The following ANXA8L1 variants were observed in gnomAD, a reference collection of about 807,000 sequenced individuals.
ANXA8L1 encodes the protein annexin A8 like 1.
ANXA8L1 carries 10 observed loss-of-function variants against 22.5 expected under a neutral mutation model. The ratio of observed to expected loss-of-function variants is 0.44; its 90% CI spans 0.27 to 0.75. The LOEUF is 0.75. Among genes scored for constraint, ANXA8L1 ranks in the 30% least tolerant of loss-of-function variants. The pLI is 0.15. For synonymous variants in ANXA8L1, 36 were observed against 86.0 expected (o/e 0.42, Z 3.22); for missense variants, 88 against 219.6 (o/e 0.40, Z 3.79).
intron 5 of ANXA8L1, 46 bp downstream of exon 5, chr10:46,383,592 T>C: frequency 4.1e-6 from 2 of 482,872 alleles, no homozygotes; most frequent in Non-Finnish European, 7.0e-6. Context: ...GCCACAAGCT[T>C]TGGCAGCCTG....
At position 46,382,513 on chromosome 10, in the gene ANXA8L1, T is replaced by G. The variant is rs1839988943; in HGVS notation, c.208-66T>G. The stretch of plus-strand genomic sequence containing the variant: ...CCAAGCCCCTGGACCCAGCCACCAC[T>G]CCGCTGCCTGCACTCAGGTGGGCCT... On this transcript the variant is annotated intron_variant, in intron 3 of 11. Transcript: ENST00000619162. 13 of 1,014,064 alleles carry G rather than the reference T, an allele frequency of 1.3e-5. 1 individual carries two copies. The highest frequency in any genetic ancestry group is 1.8e-5 in the Non-Finnish European group (13 of 715,602). 62.8% of individuals were successfully genotyped at this position (1,014,064 alleles called of 1,614,324 possible).
Position 46,381,291 on chromosome 10 carries a change from G to A in ANXA8L1, c.207+51G>A, listed in dbSNP as rs1414718774. 41 of 553,862 alleles carry A rather than the reference G, an allele frequency of 7.4e-5. 10 individuals are homozygous for A. The highest frequency in any genetic ancestry group is 1.2e-4 in the Non-Finnish European group (40 of 331,758). The allele number at this position is 553,862 out of a possible 1,614,324, so 34.3% of individuals were successfully genotyped here. ...GGATAGGTGAGCCTTGGGGTTGGGGGTACAGCCTGGGAGGCAGCTCCATTC... is the reference window on the plus strand; with the variant it reads ...GGATAGGTGAGCCTTGGGGTTGGGGATACAGCCTGGGAGGCAGCTCCATTC... On this transcript the variant is annotated intron_variant, in intron 3 of 11. Coordinates refer to ENST00000619162, the MANE Select transcript of ANXA8L1 (RefSeq NM_001098845.3).
At chr10:46,385,586 C>A (rs1840027359) in intron 8 of ANXA8L1, 113 bp downstream of exon 8, 1 of 463,266 alleles carries the variant, frequency 2.2e-6, no homozygotes, top group Non-Finnish European at 3.9e-6. Context: ...CCAGGGAGCC[C>A]AGGACTGTTT....
At chr10:46,384,710 C>T (rs1840013685) in intron 6 of ANXA8L1, 64 bp from the exon 7 acceptor site, 6 of 1,612,090 alleles carry the variant, frequency 3.7e-6, no homozygotes, top group Non-Finnish European at 5.1e-6. Context: ...CCCAGGATCC[C>T]CCCTGTGCCC....
At chr10:46,385,320 G>C (rs1840023967) in intron 7 of ANXA8L1, 60 bp from the exon 8 acceptor site, 2 of 623,088 alleles carry the variant, frequency 3.2e-6, no homozygotes, top group East Asian at 2.5e-5. Flanking sequence ...GGACTCTGGG[G>C]CTCAGTCCCT....
intron 11 of ANXA8L1, among the ~76,000 whole-genome samples, chr10:46,389,166 T>C (rs1425333333): frequency 3.8e-5 from 4 of 105,736 alleles, no homozygotes; most frequent in Non-Finnish European, 5.8e-5. Flanking sequence ...CGTTGTTAAG[T>C]GCACTTTTCA....
chr10:46,378,540 G>A (rs2133007864), intron 1 of ANXA8L1, among the ~76,000 whole-genome samples: 1 of 91,132 alleles, frequency 1.1e-5, no homozygotes, highest in South Asian at 3.6e-4. Flanking sequence ...TAAAGCACCT[G>A]GCCCAGGTCT....
In ANXA8L1 at chr10:46,378,219, C is replaced by T. The variant is rs1444120402; in HGVS notation, c.22-1666C>T. Among the ~76,000 whole-genome samples, 24 of 131,442 alleles carry T rather than the reference C, an allele frequency of 1.8e-4. 1 individual carries two copies. In the South Asian group the frequency reaches 4.3e-3, roughly 24 times the overall value. 86.2% of individuals were successfully genotyped at this position (131,442 alleles called of 152,430 possible). A position where few individuals can be genotyped will look rare whatever the true frequency, so the allele number is the denominator to read the frequency against. On this transcript the variant is annotated intron_variant, in intron 1 of 11. Coordinates refer to ENST00000619162, the MANE Select transcript of ANXA8L1 (RefSeq NM_001098845.3). ...CCACTCGCTGGTGCACCACAGCCCC[C>T]GAGTGCTGGGGCAGAGGGAAGCCGG...
Position 46,384,793 on chromosome 10 carries a change from G to C in ANXA8L1, c.512G>C (p.Ser171Thr). 1 of 1,613,274 alleles carries C rather than the reference G, an allele frequency of 6.2e-7. No homozygotes were observed. Among genetic ancestry groups the C allele is most frequent in the Non-Finnish European group, 8.5e-7 (1 of 1,179,860 alleles). The part of the protein sequence containing the change: ...CLLQGSRDDV[S>T]SFVDPALALQ... ...TCCTAGGGCAGCAGGGATGATGTGA[G>C]CAGCTTTGTGGACCCGGCACTGGCC... Residue 171 changes from serine to threonine, a missense_variant, in exon 7 of 12, where the codon AGC becomes ACC. Coordinates refer to ENST00000619162, the MANE Select transcript of ANXA8L1 (RefSeq NM_001098845.3).
rs1409598742 is a variant in ANXA8L1 at position 46,384,402 on chromosome 10, G to C, written c.492+117G>C. 16 of 367,700 alleles carry C rather than the reference G, an allele frequency of 4.4e-5. 2 individuals carry two copies. In the African/African-American group the frequency reaches 8.2e-4, roughly 19 times the overall value. The allele number at this position is 367,700 out of a possible 1,614,324, so 22.8% of individuals were successfully genotyped here. On this transcript the variant is annotated intron_variant, in intron 6 of 11. Transcript: ENST00000619162. Reference sequence around the variant, plus strand: ...CAGGGTATGGGCATGGGATAGCCCAGCAGCCAGGGCTCATTGGGTGTGTCT... The same window carrying C: ...CAGGGTATGGGCATGGGATAGCCCACCAGCCAGGGCTCATTGGGTGTGTCT...
chr10:46,381,468 C>CGGG, intron 3 of ANXA8L1: 1 of 407,818 alleles, frequency 2.5e-6, no homozygotes, highest in South Asian at 2.2e-5. Flanking sequence ...GAGCCCGGGC[C>CGGG]GGGGGCTGGC....
chr10:46,385,362 TG>T lies in ANXA8L1; in HGVS notation c.553-15del. 1.2e-6 allele frequency: 1 copy of T among 828,670 alleles called. No individual in the cohort carries two copies. Among genetic ancestry groups the T allele is most frequent in the Admixed American group, 3.0e-5 (1 of 33,458 alleles). 51.3% of individuals were successfully genotyped at this position (828,670 alleles called of 1,614,324 possible). A position where few individuals can be genotyped will look rare whatever the true frequency, so the allele number is the denominator to read the frequency against. On this transcript the variant is annotated splice_polypyrimidine_tract_variant and intron_variant, in intron 7 of 11. Coordinates refer to ENST00000619162, the MANE Select transcript of ANXA8L1 (RefSeq NM_001098845.3). ...CCTGGTCTCCCTCACTGGCTTATTG[TG>T]GGTGTCCCAATGCTAGGATCTGTAT...
intron 7 of ANXA8L1, 108 bp downstream of exon 7, chr10:46,384,941 C>T: frequency 6.5e-7 from 1 of 1,549,708 alleles, no homozygotes; most frequent in South Asian, 1.1e-5. Flanking sequence ...CCACCCAGCT[C>T]AGCTCCCTAT....
In ANXA8L1 at chr10:46,375,860, G is replaced by A. The variant is rs1839921332; in HGVS notation, c.9G>A (p.Trp3Ter). Residue 3 changes from tryptophan (W) to a stop codon, truncating the protein, a stop_gained, in exon 1 of 12, where the codon TGG becomes TGA. Coordinates refer to ENST00000619162, the MANE Select transcript of ANXA8L1 (RefSeq NM_001098845.3). LOFTEE classifies it high-confidence loss of function. ...CCCCCGAAGTGAAAGAGATGGCCTGGTGGAAAGCCTGGGTAAGTGGGAGCT... is the reference window on the plus strand; with the variant it reads ...CCCCCGAAGTGAAAGAGATGGCCTGATGGAAAGCCTGGGTAAGTGGGAGCT... MA[W>*]WKAWIEQEGV... 1.3e-6 allele frequency: 2 copies of A among 1,595,330 alleles called. No homozygotes were observed. The highest frequency in any genetic ancestry group is 2.2e-5 in the South Asian group (2 of 90,330).
chr10:46,390,459 A>G (rs1189416022), intron 11 of ANXA8L1, among the ~76,000 whole-genome samples: 1 of 122,276 alleles, frequency 8.2e-6, no homozygotes, highest in Non-Finnish European at 1.8e-5. Flanking sequence ...CCCTGCTCCC[A>G]GGTGTGTGCT....
chr10:46,384,129 A>T, intron 5 of ANXA8L1, 77 bp from the exon 6 acceptor site: 4 of 239,708 alleles, frequency 1.7e-5, no homozygotes, highest in Non-Finnish European at 2.9e-5. Context: ...TATGGGGAAC[A>T]GGGCTGGAAG....
chr10:46,381,080 C>T, intron 2 of ANXA8L1, 66 bp from the exon 3 acceptor site: 1 of 434,068 alleles, frequency 2.3e-6, no homozygotes. Flanking sequence ...TTCGCCTTCC[C>T]CTCCTCCGCC....
At chr10:46,377,767 A>T (rs1839946417) in intron 1 of ANXA8L1, among the ~76,000 whole-genome samples, 1 of 117,626 alleles carries the variant, frequency 8.5e-6, no homozygotes. Context: ...TCTCATAGAG[A>T]CAAACCCATC....
At position 46,383,443 on chromosome 10, in the gene ANXA8L1, T is replaced by A; in HGVS notation, c.322-13T>A. The A allele has an allele frequency of 1.5e-6, 1 of 659,562 alleles. No individual in the cohort carries two copies. Among genetic ancestry groups the A allele is most frequent in the Non-Finnish European group, 2.3e-6 (1 of 427,326 alleles). The allele number at this position is 659,562 out of a possible 1,614,324, so 40.9% of individuals were successfully genotyped here. A position where few individuals can be genotyped will look rare whatever the true frequency, so the allele number is the denominator to read the frequency against. Reference sequence around the variant, plus strand: ...GGCAGAGCACTCCAGCAGGCAGAGGTTTCTGTCCACAGGGCTTAGGAACCA... The same window carrying A: ...GGCAGAGCACTCCAGCAGGCAGAGGATTCTGTCCACAGGGCTTAGGAACCA... On this transcript the variant is annotated splice_polypyrimidine_tract_variant and intron_variant, in intron 4 of 11. Transcript: ENST00000619162.
Sources: allele counts gnomAD v4.1 joint callset (sites outside exome capture counted in the v4.1 genomes callset), GRCh38; gene constraint gnomAD v4.1.1; transcripts MANE v1.5; gene names NCBI Gene and HGNC (gene_info 2026-07-23, HGNC 2026-07-21).